The following GABRG3 variants were observed in gnomAD, a reference collection of about 807,000 sequenced individuals.
GABRG3 encodes the protein gamma-aminobutyric acid type A receptor subunit gamma3.
A neutral mutation model predicts 48.8 loss-of-function variants in GABRG3; 25 were observed. That is an observed-to-expected ratio of 0.51 (90% CI 0.37 to 0.72). The LOEUF is 0.72. GABRG3 is among the 30% of genes least tolerant of loss of function. The pLI is 0.00. For synonymous variants in GABRG3, 227 were observed against 217.6 expected (o/e 1.04, Z -0.38); for missense variants, 394 against 577.9 (o/e 0.68, Z 3.26).
chr15:27,531,676 A>G (rs535727223), intron 9 of GABRG3, among the ~76,000 whole-genome samples: 1 of 152,350 alleles, frequency 6.6e-6, no homozygotes, highest in Non-Finnish European at 1.5e-5. Flanking sequence ...ATTCAGTCCA[A>G]TTTAGAAACG....
At chr15:27,128,298 G>T (rs367753111) in intron 3 of GABRG3, among the ~76,000 whole-genome samples, 1 of 152,170 alleles carries the variant, frequency 6.6e-6, no homozygotes, top group Non-Finnish European at 1.5e-5. Flanking sequence ...GTTGTGTGTC[G>T]CTCTACCTTG....
At chr15:27,306,292 T>C (rs1469343236) in intron 3 of GABRG3, among the ~76,000 whole-genome samples, 6 of 137,054 alleles carry the variant, frequency 4.4e-5, no homozygotes, top group African/African-American at 8.3e-5. Context: ...AACATGTCTA[T>C]ATATAAACAT....
At chr15:27,475,281 C>G (rs773379843) in intron 5 of GABRG3, among the ~76,000 whole-genome samples, 1 of 152,122 alleles carries the variant, frequency 6.6e-6, no homozygotes, top group African/African-American at 2.4e-5. Context: ...ATGTACATTA[C>G]TTAGTGTCTC....
At chr15:27,028,777 G>A (rs930747292) in intron 3 of GABRG3, among the ~76,000 whole-genome samples, 1 of 139,810 alleles carries the variant, frequency 7.2e-6, no homozygotes, top group Non-Finnish European at 1.5e-5. Flanking sequence ...CTGCACTCCA[G>A]CCTGGGTGAC....
intron 3 of GABRG3, among the ~76,000 whole-genome samples, chr15:27,219,285 C>T (rs149028220): frequency 8.5e-5 from 13 of 152,214 alleles, no homozygotes; most frequent in Admixed American, 4.6e-4. Flanking sequence ...GGCCTTGGGG[C>T]GGGCTGGGTT....
rs1334948978 is a variant in GABRG3 at position 27,206,072 on chromosome 15, C to T, written c.271-120737C>T. Among the ~76,000 whole-genome samples the T allele has an allele frequency of 2.6e-5, 4 of 151,892 alleles. 1 individual carries two copies. The highest frequency in any genetic ancestry group is 2.0e-4 in the Admixed American group (3 of 15,254). On this transcript the variant is annotated intron_variant, in intron 3 of 9. Transcript: ENST00000615808. Reference sequence around the variant, plus strand: ...TTTCGTTCACTTCAGCTCTCATTTTCGTTATTTCCTTTCTTCTGCTAACTT... The same window carrying T: ...TTTCGTTCACTTCAGCTCTCATTTTTGTTATTTCCTTTCTTCTGCTAACTT...
intron 5 of GABRG3, among the ~76,000 whole-genome samples, chr15:27,367,015 T>C (rs999415688): frequency 3.9e-5 from 6 of 152,000 alleles, no homozygotes; most frequent in Non-Finnish European, 8.8e-5. Context: ...GGACAGTGGG[T>C]CCCCCAGAGG....
chr15:27,354,936 G>A (rs563425983), intron 5 of GABRG3, among the ~76,000 whole-genome samples: 1 of 152,182 alleles, frequency 6.6e-6, no homozygotes, highest in Non-Finnish European at 1.5e-5. Flanking sequence ...GCCATTCTCT[G>A]TTCATGCCCA....
chr15:27,204,878 G>A (rs932113111), intron 3 of GABRG3, among the ~76,000 whole-genome samples: 4 of 151,988 alleles, frequency 2.6e-5, no homozygotes, highest in Admixed American at 2.6e-4. Flanking sequence ...CTGATTTTTT[G>A]TACATTGATT....
chr15:27,411,756 C>T (rs1887804887), intron 5 of GABRG3, among the ~76,000 whole-genome samples: 1 of 152,130 alleles, frequency 6.6e-6, no homozygotes, highest in Non-Finnish European at 1.5e-5. Flanking sequence ...CTTCAAATAA[C>T]ACCATACCAT....
chr15:27,215,344 A>G (rs10519596), intron 3 of GABRG3, among the ~76,000 whole-genome samples: 7,808 of 152,154 alleles, frequency 0.051, 316 homozygotes, highest in East Asian at 0.16. Context: ...AACATGTTAC[A>G]TTTGCCTTGG....
chr15:27,159,081 C>G (rs866221277), intron 3 of GABRG3, among the ~76,000 whole-genome samples: 4 of 152,042 alleles, frequency 2.6e-5, no homozygotes, highest in Non-Finnish European at 4.4e-5. Flanking sequence ...TTTCTCCTCC[C>G]TCTTCCTCCA....
At chr15:26,996,290 C>G (rs1024846161) in intron 2 of GABRG3, among the ~76,000 whole-genome samples, 2 of 152,004 alleles carry the variant, frequency 1.3e-5, no homozygotes, top group Non-Finnish European at 2.9e-5. Context: ...TCTTGTAATG[C>G]AGGTGCATTA....
chr15:27,113,579 A>C (rs1035659864), intron 3 of GABRG3, among the ~76,000 whole-genome samples: 1 of 152,188 alleles, frequency 6.6e-6, no homozygotes, highest in Non-Finnish European at 1.5e-5. Flanking sequence ...AGGCCTCTGC[A>C]CAGTCATTAT....
At chr15:27,219,802 C>T (rs528767859) in intron 3 of GABRG3, among the ~76,000 whole-genome samples, 1 of 152,334 alleles carries the variant, frequency 6.6e-6, no homozygotes, top group African/African-American at 2.4e-5. Flanking sequence ...CATCTGCCTA[C>T]AATTAGTATG....
chr15:27,116,791 A>G (rs781761425), intron 3 of GABRG3, among the ~76,000 whole-genome samples: 1 of 152,066 alleles, frequency 6.6e-6, no homozygotes, highest in Non-Finnish European at 1.5e-5. Flanking sequence ...TTGCCCTTCT[A>G]CCTCTTCTGC....
At chr15:26,989,711 A>G (rs1023565077) in intron 2 of GABRG3, among the ~76,000 whole-genome samples, 18 of 152,094 alleles carry the variant, frequency 1.2e-4, no homozygotes, top group Admixed American at 1.0e-3. Flanking sequence ...GCTATCAAAT[A>G]CTAGGTCTTG....
At chr15:27,307,094 A>G (rs1013801902) in intron 3 of GABRG3, among the ~76,000 whole-genome samples, 3 of 119,332 alleles carry the variant, frequency 2.5e-5, no homozygotes, top group Non-Finnish European at 3.1e-5. Context: ...ATATAAACAT[A>G]TAATATAAAC....
chr15:27,393,209 TGGC>T (rs1337845164), intron 5 of GABRG3, among the ~76,000 whole-genome samples: 7 of 151,880 alleles, frequency 4.6e-5, no homozygotes, highest in Non-Finnish European at 8.8e-5. Flanking sequence ...CCAGGCGTGG[TGGC>T]GGGTGCCTGT....
Sources: allele counts gnomAD v4.1 joint callset (sites outside exome capture counted in the v4.1 genomes callset), GRCh38; gene constraint gnomAD v4.1.1; transcripts MANE v1.5; gene names NCBI Gene and HGNC (gene_info 2026-07-23, HGNC 2026-07-21).